TTC7A: variants seen among roughly 807,000 people sequenced by gnomAD.
TTC7A encodes tetratricopeptide repeat protein 7A.
Under a neutral mutation model 103.7 loss-of-function variants are expected in TTC7A, and 110 were observed. That is an observed-to-expected ratio of 1.06 (90% CI 0.91 to 1.24). The LOEUF (loss-of-function observed/expected upper bound fraction) is 1.24. Among genes scored for constraint, TTC7A ranks in the 50% most tolerant of loss-of-function variants. The pLI is 0.00. For missense variants in TTC7A, 1,340 were observed against 1,116.3 expected (o/e 1.20, Z -2.86); for synonymous variants, 521 against 467.9 (o/e 1.11, Z -1.47).
At chr2:46,936,845 AAACAGGATT>A (rs1397221918), upstream of TTC7A, among the ~76,000 whole-genome samples, 2 of 151,326 alleles carry the variant, frequency 1.3e-5, no homozygotes, top group Non-Finnish European at 2.9e-5. Context: ...CATACAAAAG[AAACAGGATT>A]CCAAATTTTT....
intron 15 of TTC7A, among the ~76,000 whole-genome samples, chr2:47,043,679 T>A (rs1336538308): frequency 2.0e-5 from 3 of 152,044 alleles, no homozygotes; most frequent in Non-Finnish European, 2.9e-5. Flanking sequence ...CAGGAGCAAA[T>A]CTGGATCCTC....
At chr2:46,952,107 G>A (rs1460843444) in intron 2 of TTC7A, among the ~76,000 whole-genome samples, 7 of 152,162 alleles carry the variant, frequency 4.6e-5, no homozygotes, top group East Asian at 1.9e-4. Context: ...GGCTTATTTT[G>A]TAAGGGAGGG....
At chr2:47,020,650 C>T (rs1047073056) in intron 11 of TTC7A, among the ~76,000 whole-genome samples, 1 of 152,264 alleles carries the variant, frequency 6.6e-6, no homozygotes, top group African/African-American at 2.4e-5. Flanking sequence ...CCGCCGTCTC[C>T]CTCCAGGCCA....
At chr2:47,016,780 G>A (rs1678701674) in intron 11 of TTC7A, among the ~76,000 whole-genome samples, 1 of 152,222 alleles carries the variant, frequency 6.6e-6, no homozygotes, top group South Asian at 2.1e-4. Context: ...TGCTAGGCAG[G>A]GAGGAAGACG....
intron 5 of TTC7A, among the ~76,000 whole-genome samples, chr2:46,981,273 A>G (rs1674431502): frequency 6.6e-6 from 1 of 151,900 alleles, no homozygotes; most frequent in South Asian, 2.1e-4. Context: ...ATCCTAGAGG[A>G]CACACTGCTT....
At chr2:47,012,751 G>C (rs1295166970) in intron 11 of TTC7A, among the ~76,000 whole-genome samples, 1 of 152,152 alleles carries the variant, frequency 6.6e-6, no homozygotes, top group Non-Finnish European at 1.5e-5. Context: ...CCTTCTCTCT[G>C]CTCCAGGGAG....
intron 5 of TTC7A, among the ~76,000 whole-genome samples, chr2:46,993,238 G>A (rs1038501081): frequency 6.6e-6 from 1 of 152,198 alleles, no homozygotes; most frequent in East Asian, 1.9e-4. Flanking sequence ...GAGGGAAAGG[G>A]ACTAGGGGAA....
At chr2:47,070,369 C>T (rs1230611559) in intron 19 of TTC7A, among the ~76,000 whole-genome samples, 1 of 152,236 alleles carries the variant, frequency 6.6e-6, no homozygotes, top group Non-Finnish European at 1.5e-5. Flanking sequence ...CCAAGCTCCA[C>T]GTGGGCAGCA....
intron 18 of TTC7A, among the ~76,000 whole-genome samples, chr2:47,053,543 T>TTTGTTTGTTTGGTTGGTTGGTTGG (rs66907808): frequency 2.0e-4 from 28 of 140,238 alleles, no homozygotes; most frequent in Non-Finnish European, 3.1e-4. Flanking sequence ...TGTTTGTTTG[T>TTTGTTTGTTTGGTTGGTTGGTTGG]TTGGTTGGTT....
At chr2:46,953,035 G>T (rs1473589993) in intron 2 of TTC7A, among the ~76,000 whole-genome samples, 2 of 152,174 alleles carry the variant, frequency 1.3e-5, no homozygotes, top group African/African-American at 2.4e-5. Flanking sequence ...AATACAAATT[G>T]TACCATATTT....
chr2:47,006,163 A>T, intron 9 of TTC7A, 104 bp downstream of exon 9: 1 of 1,481,088 alleles, frequency 6.8e-7, no homozygotes, highest in South Asian at 1.3e-5. Flanking sequence ...TTCCCCTGCC[A>T]GGCTGCTCTG....
chr2:47,063,234 G>T (rs545922670), intron 19 of TTC7A, among the ~76,000 whole-genome samples: 1 of 152,290 alleles, frequency 6.6e-6, no homozygotes, highest in East Asian at 1.9e-4. Flanking sequence ...GTCCCCTTTT[G>T]TACATAATAA....
chr2:46,947,840 A>T (rs1239922602), intron 1 of TTC7A, among the ~76,000 whole-genome samples: 2 of 152,238 alleles, frequency 1.3e-5, no homozygotes, highest in South Asian at 2.1e-4. Context: ...ATTTCAACAG[A>T]TTTAAAATTA....
intron 12 of TTC7A, 92 bp from the exon 13 acceptor site, chr2:47,023,316 C>G: frequency 2.9e-6 from 4 of 1,387,870 alleles, no homozygotes; most frequent in Non-Finnish European, 4.0e-6. Flanking sequence ...GGGCCTTTAT[C>G]TGCAGAGCTG....
intron 10 of TTC7A, 39 bp downstream of exon 10, chr2:47,006,763 G>A (rs776053525): frequency 2.1e-5 from 32 of 1,489,518 alleles, no homozygotes; most frequent in South Asian, 5.6e-5. Flanking sequence ...ACACTCACCC[G>A]CAGGGGGCTC....
chr2:47,060,658 T>C (rs1369748265), intron 18 of TTC7A, 111 bp from the exon 19 acceptor site: 2 of 962,444 alleles, frequency 2.1e-6, no homozygotes, highest in Admixed American at 4.8e-5. Context: ...TTTGGTGGGA[T>C]AGAGTTTGTC....
intron 8 of TTC7A, among the ~76,000 whole-genome samples, chr2:46,999,265 T>C (rs979231000): frequency 6.7e-6 from 1 of 149,950 alleles, no homozygotes; most frequent in African/African-American, 2.4e-5. Context: ...TATTCATCCA[T>C]TTATCCATCC....
chr2:47,021,752 C>A, intron 11 of TTC7A, 110 bp from the exon 12 acceptor site: 1 of 844,692 alleles, frequency 1.2e-6, no homozygotes, highest in East Asian at 2.4e-5. Flanking sequence ...GAGTAAGGCC[C>A]TGTGACCTTG....
intron 3 of TTC7A, among the ~76,000 whole-genome samples, chr2:46,972,482 T>C (rs1673452338): frequency 6.6e-6 from 1 of 152,194 alleles, no homozygotes; most frequent in African/African-American, 2.4e-5. Context: ...GCAGGTTTTC[T>C]CTAACATTTC....
Sources: gnomAD v4.1 joint callset for allele counts (sites outside exome capture counted in the v4.1 genomes callset) on GRCh38, gnomAD v4.1.1 for gene constraint, MANE v1.5 for transcripts, NCBI Gene and HGNC (gene_info 2026-07-23, HGNC 2026-07-21) for gene names.